The following IFT56 variants were observed in gnomAD, a reference collection of about 807,000 sequenced individuals.
IFT56 encodes intraflagellar transport protein 56.
the IFT56 span, among the ~76,000 whole-genome samples, chr7:139,137,431 G>A: frequency 2.6e-5 from 4 of 152,182 alleles, no homozygotes; most frequent in Non-Finnish European, 4.4e-5. Context: ...GAGCACGGAG[G>A]GTGACAACAC....
chr7:139,184,175 A>G, the IFT56 span, among the ~76,000 whole-genome samples: 1 of 152,224 alleles, frequency 6.6e-6, no homozygotes, highest in Non-Finnish European at 1.5e-5. Context: ...CACCAAGGCC[A>G]GTCTCCTTTC....
chr7:139,175,504 AGT>A, the IFT56 span, among the ~76,000 whole-genome samples: 34 of 152,324 alleles, frequency 2.2e-4, no homozygotes, highest in Admixed American at 1.4e-3. Context: ...GAATAAAGAA[AGT>A]GTGGTACATA....
the IFT56 span, among the ~76,000 whole-genome samples, chr7:139,180,229 C>T: frequency 9.2e-5 from 14 of 151,894 alleles, no homozygotes; most frequent in South Asian, 6.2e-4. Flanking sequence ...CCCAGCTGCT[C>T]GGGAGGCTGA....
chr7:139,191,595 C>A, the IFT56 span: 1 of 152,272 alleles, frequency 6.6e-6, no homozygotes, highest in Admixed American at 6.5e-5. Flanking sequence ...GAAAAAAAAG[C>A]AGATATTCCA....
the IFT56 span, among the ~76,000 whole-genome samples, chr7:139,177,004 T>A: frequency 3.3e-5 from 5 of 151,834 alleles, no homozygotes; most frequent in Non-Finnish European, 7.4e-5. Context: ...GAACCCCACC[T>A]CTACTAAAAA....
chr7:139,139,943 C>G, the IFT56 span: 1 of 1,612,890 alleles, frequency 6.2e-7, no homozygotes, highest in Non-Finnish European at 8.5e-7. Flanking sequence ...TCTGGGTGAA[C>G]CTAGCTTGCA....
the IFT56 span, among the ~76,000 whole-genome samples, chr7:139,164,683 C>T: frequency 2.6e-5 from 4 of 151,954 alleles, no homozygotes; most frequent in African/African-American, 9.7e-5. Flanking sequence ...TCGCAGTTCT[C>T]GGGGCTAGGA....
the IFT56 span, chr7:139,174,368 C>G: frequency 2.1e-6 from 1 of 485,652 alleles, no homozygotes; most frequent in Non-Finnish European, 4.1e-6. Flanking sequence ...CAGAGGCCTC[C>G]TCCACTGGCG....
the IFT56 span, chr7:139,174,098 C>T: frequency 2.8e-5 from 17 of 599,440 alleles, no homozygotes; most frequent in East Asian, 7.4e-4. Context: ...AGGCGAGCTA[C>T]AGCTTTTCTT....
At chr7:139,177,076 G>A in the IFT56 span, among the ~76,000 whole-genome samples, 2 of 151,496 alleles carry the variant, frequency 1.3e-5, no homozygotes, top group Non-Finnish European at 2.9e-5. Context: ...GGAGGCTGAG[G>A]TAGGAGAATC....
the IFT56 span, chr7:139,189,496 C>A: frequency 8.8e-7 from 1 of 1,134,144 alleles, no homozygotes. Flanking sequence ...CATTTTCACT[C>A]CAGTTTAATC....
chr7:139,151,546 T>C, the IFT56 span, among the ~76,000 whole-genome samples: 1 of 152,154 alleles, frequency 6.6e-6, no homozygotes, highest in African/African-American at 2.4e-5. Context: ...TTAGGTGAAA[T>C]ACTTAACCTC....
the IFT56 span, chr7:139,187,660 A>G: frequency 3.2e-6 from 4 of 1,268,882 alleles, no homozygotes; most frequent in Admixed American, 9.8e-5. Context: ...TAGAATGATG[A>G]AAAAAAGGTT....
the IFT56 span, chr7:139,169,257 A>T: frequency 6.3e-7 from 1 of 1,582,630 alleles, no homozygotes; most frequent in Non-Finnish European, 8.7e-7. Context: ...TTTTTACCTT[A>T]TTCCTCTATA....
the IFT56 span, among the ~76,000 whole-genome samples, chr7:139,135,293 A>AC: frequency 6.8e-6 from 1 of 147,858 alleles, no homozygotes; most frequent in Non-Finnish European, 1.5e-5. Flanking sequence ...AAAAAAAAAA[A>AC]AAAAACAAAA....
the IFT56 span, among the ~76,000 whole-genome samples, chr7:139,174,568 C>T: frequency 6.6e-6 from 1 of 151,998 alleles, no homozygotes; most frequent in Non-Finnish European, 1.5e-5. Flanking sequence ...AAACAATCAA[C>T]AAAGTGAAAT....
the IFT56 span, among the ~76,000 whole-genome samples, chr7:139,149,133 A>G: frequency 7.3e-5 from 11 of 151,684 alleles, no homozygotes; most frequent in African/African-American, 2.4e-4. Flanking sequence ...GTGAAACTCC[A>G]TCTCTACTAA....
At chr7:139,187,653 A>G in the IFT56 span, 1 of 1,331,284 alleles carries the variant, frequency 7.5e-7, no homozygotes, top group Non-Finnish European at 1.0e-6. Flanking sequence ...GATGTTTTAG[A>G]ATGATGAAAA....
At chr7:139,162,632 G>C in the IFT56 span, among the ~76,000 whole-genome samples, 1 of 152,254 alleles carries the variant, frequency 6.6e-6, no homozygotes, top group South Asian at 2.1e-4. Context: ...ACATTGCTGA[G>C]TCTGTGTTCT....
Sources: gnomAD v4.1 joint callset for allele counts (sites outside exome capture counted in the v4.1 genomes callset) on GRCh38, gnomAD v4.1.1 for gene constraint, MANE v1.5 for transcripts, NCBI Gene and HGNC (gene_info 2026-07-23, HGNC 2026-07-21) for gene names.